The following TBC1D9 variants were observed in gnomAD, a reference collection of about 807,000 sequenced individuals.
The protein encoded by TBC1D9 is TBC1 domain family member 9A.
In TBC1D9, 63 loss-of-function variants were observed where a neutral mutation model predicts 132.0. The ratio of observed to expected loss-of-function variants is 0.48; its 90% CI spans 0.39 to 0.59. TBC1D9 has a LOEUF of 0.59. Among genes scored for constraint, TBC1D9 ranks in the 20% least tolerant of loss-of-function variants. TBC1D9 has a pLI of 0.00. For missense variants in TBC1D9, 1,261 were observed against 1,592.7 expected (o/e 0.79, Z 3.54); for synonymous variants, 610 against 609.9 (o/e 1.00, Z 0.00).
At chr4:140,643,326 T>G in intron 13 of TBC1D9, 3 of 1,343,896 alleles carry the variant, frequency 2.2e-6, no homozygotes, top group Non-Finnish European at 3.1e-6. Flanking sequence ...GGCAGCTTCC[T>G]GCTTCTCCAA....
At chr4:140,686,199 T>C (rs2111024604) in intron 3 of TBC1D9, 145 bp downstream of exon 3, 1 of 571,620 alleles carries the variant, frequency 1.7e-6, no homozygotes, top group South Asian at 2.3e-5. Context: ...CAAACACACA[T>C]ATGAGAAAGC....
chr4:140,622,341 A>C lies in TBC1D9; in HGVS notation c.3655T>G (p.Ser1219Ala). 6.2e-7 allele frequency: 1 copy of C among 1,613,708 alleles called. No individual in the cohort carries two copies. The highest frequency in any genetic ancestry group is 8.5e-7 in the Non-Finnish European group (1 of 1,179,642). ...WAITFEQFLA[S>A]LLTEPALVKY... is the part of the protein sequence containing the mutation. The stretch of plus-strand genomic sequence containing the variant: ...ACCAGGGCAGGCTCAGTTAAGAGGG[A>C]GGCCAGGAACTGCTCGAAGGTGATG... Residue 1219 changes from serine to alanine, a missense_variant, in exon 21 of 21, where the codon TCC becomes GCC. Ser to Ala is a moderately conservative substitution (Grantham distance 99, BLOSUM62 1). This residue lies in a region of TBC1D9 where 618 missense variants were observed against 724.4 expected (regional missense o/e 0.85). Transcript: ENST00000442267.
At chr4:140,670,605 T>G in intron 7 of TBC1D9, 115 bp downstream of exon 7, 4 of 778,158 alleles carry the variant, frequency 5.1e-6, no homozygotes, top group Non-Finnish European at 8.4e-6. Flanking sequence ...GCTGAGATAT[T>G]GCTTTGGGCG....
chr4:140,686,538 T>G, intron 2 of TBC1D9, 76 bp from the exon 3 acceptor site: 1 of 931,284 alleles, frequency 1.1e-6, no homozygotes, highest in East Asian at 2.4e-5. Flanking sequence ...ACTTTTTCAT[T>G]ATAGTCTATA....
chr4:140,648,382 G>GTTT (rs1426316935), intron 13 of TBC1D9, among the ~76,000 whole-genome samples: 1 of 137,292 alleles, frequency 7.3e-6, no homozygotes, highest in African/African-American at 2.8e-5. Context: ...CAGTTTTGTT[G>GTTT]TTGTTTTTTT....
chr4:140,649,136 TA>T (rs1737148085), intron 13 of TBC1D9, among the ~76,000 whole-genome samples: 1 of 152,174 alleles, frequency 6.6e-6, no homozygotes, highest in Non-Finnish European at 1.5e-5. Flanking sequence ...GAACTTGAAA[TA>T]TTTAAATGCT....
chr4:140,699,440 G>A (rs140605632), intron 2 of TBC1D9, among the ~76,000 whole-genome samples: 7 of 152,154 alleles, frequency 4.6e-5, no homozygotes, highest in Non-Finnish European at 8.8e-5. Context: ...AAGGAGGCCC[G>A]CAGTCATAAA....
intron 2 of TBC1D9, among the ~76,000 whole-genome samples, chr4:140,693,359 A>C (rs1031547631): frequency 1.2e-4 from 19 of 152,228 alleles, no homozygotes; most frequent in Non-Finnish European, 2.1e-4. Flanking sequence ...TGAAATAAGA[A>C]GAAGCCTGGT....
intron 3 of TBC1D9, among the ~76,000 whole-genome samples, chr4:140,680,597 C>T (rs1737688379): frequency 6.6e-6 from 1 of 152,110 alleles, no homozygotes; most frequent in Admixed American, 6.5e-5. Flanking sequence ...ATCCTCAAAT[C>T]CCTCCCGCCT....
intron 1 of TBC1D9, among the ~76,000 whole-genome samples, chr4:140,708,358 T>C (rs1738178996): frequency 6.6e-6 from 1 of 152,206 alleles, no homozygotes; most frequent in Non-Finnish European, 1.5e-5. Flanking sequence ...AATCAATTTC[T>C]CCAATTTCAG....
At chr4:140,755,842 C>T (rs1739003382) in intron 1 of TBC1D9, 74 bp downstream of exon 1, 1 of 1,271,220 alleles carries the variant, frequency 7.9e-7, no homozygotes. Flanking sequence ...GTCTCCCGAG[C>T]CTGCAGCCCA....
At chr4:140,739,829 T>A (rs1738732095) in intron 1 of TBC1D9, among the ~76,000 whole-genome samples, 1 of 152,038 alleles carries the variant, frequency 6.6e-6, no homozygotes, top group Admixed American at 6.6e-5. Context: ...AACAAGACCC[T>A]ATCATATTGA....
At chr4:140,658,200 A>T (rs1737301519) in intron 11 of TBC1D9, among the ~76,000 whole-genome samples, 1 of 152,220 alleles carries the variant, frequency 6.6e-6, no homozygotes. Flanking sequence ...GACATGAGAA[A>T]TGGGTTGTCA....
Position 140,659,682 on chromosome 4 carries a change from C to T in TBC1D9, c.1827G>A (p.Val609=). The change falls in exon 11 of 21, where the codon GTG becomes GTA. Residue 609 remains valine, a synonymous_variant. Transcript: ENST00000442267. ...YCQAMNIVTS[V]LLLYAKEEEA... ...CCTCCTCTTTGGCATAAAGCAGCAG[C>T]ACTGAAGTGACAATATTCATGGCCT... is the stretch of plus-strand genomic sequence containing the variant. 6.2e-7 allele frequency: 1 copy of T among 1,605,810 alleles called. No individual in the cohort carries two copies. The highest frequency in any genetic ancestry group is 2.2e-5 in the East Asian group (1 of 44,730).
intron 6 of TBC1D9, among the ~76,000 whole-genome samples, chr4:140,676,240 C>A (rs550737942): frequency 6.6e-6 from 1 of 152,348 alleles, no homozygotes; most frequent in African/African-American, 2.4e-5. Context: ...GGTGCTTCCA[C>A]GTGTGGCCCA....
At chr4:140,643,883 G>A (rs567079859) in intron 13 of TBC1D9, 439 of 719,544 alleles carry the variant, frequency 6.1e-4, no homozygotes, top group Non-Finnish European at 9.9e-4. Flanking sequence ...TTTCCATGGC[G>A]GGCAGTGGCA....
chr4:140,674,831 T>G (rs1453978467), intron 6 of TBC1D9, among the ~76,000 whole-genome samples: 2 of 152,030 alleles, frequency 1.3e-5, no homozygotes, highest in African/African-American at 4.8e-5. Context: ...CCCAAGTAGC[T>G]AGGACTACAG....
At chr4:140,675,946 C>A (rs1357848037) in intron 6 of TBC1D9, among the ~76,000 whole-genome samples, 1 of 152,190 alleles carries the variant, frequency 6.6e-6, no homozygotes, top group Non-Finnish European at 1.5e-5. Context: ...TTACCCTTCC[C>A]AGGGCTAGCC....
intron 13 of TBC1D9, chr4:140,642,645 G>A: frequency 2.8e-6 from 2 of 722,170 alleles, no homozygotes; most frequent in Non-Finnish European, 4.8e-6. Flanking sequence ...GAAGCCTCGT[G>A]TTCATCCCAA....
Sources: allele counts gnomAD v4.1 joint callset (sites outside exome capture counted in the v4.1 genomes callset), GRCh38; gene constraint gnomAD v4.1.1; regional missense constraint gnomAD v4.1.1; transcripts MANE v1.5; gene names NCBI Gene and HGNC (gene_info 2026-07-23, HGNC 2026-07-21).